The following MYOF variants were observed in gnomAD, a reference collection of about 807,000 sequenced individuals.
The protein encoded by MYOF is fer-1-like 3, myoferlin.
A neutral mutation model predicts 284.2 loss-of-function variants in MYOF; 244 were observed. The ratio of observed to expected loss-of-function variants is 0.86; its 90% CI spans 0.77 to 0.95. The LOEUF (loss-of-function observed/expected upper bound fraction) is 0.95. Ranked by LOEUF, MYOF falls within the 40% of genes least tolerant of loss-of-function variation. The probability of loss-of-function intolerance (pLI) is 0.00; values close to 1 mark genes in which losing one functional copy is unlikely to be tolerated. For missense variants in MYOF, 2,496 were observed against 2,560.6 expected, an observed-to-expected ratio of 0.97 and a Z score of 0.54; for synonymous variants, 904 against 919.7, an observed-to-expected ratio of 0.98 and a Z score of 0.31.
At chr10:93,331,388 G>A (rs767919205) in intron 43 of MYOF, among the ~76,000 whole-genome samples, 9 of 152,160 alleles carry the variant, frequency 5.9e-5, no homozygotes, top group Non-Finnish European at 1.2e-4. Context: ...GCGATTGGCC[G>A]AGCAGAGCCT....
chr10:93,464,830 C>A (rs137969930), intron 1 of MYOF, among the ~76,000 whole-genome samples: 1 of 152,126 alleles, frequency 6.6e-6, no homozygotes, highest in African/African-American at 2.4e-5. Flanking sequence ...CAAAATAGAA[C>A]AACAAGATCT....
intron 38 of MYOF, among the ~76,000 whole-genome samples, chr10:93,342,725 A>C (rs1843980403): frequency 6.6e-6 from 1 of 152,238 alleles, no homozygotes; most frequent in Non-Finnish European, 1.5e-5. Context: ...TTGACTGACG[A>C]TGAGAGATGG....
At chr10:93,441,957 C>G (rs1161684101) in intron 3 of MYOF, among the ~76,000 whole-genome samples, 2 of 148,600 alleles carry the variant, frequency 1.3e-5, no homozygotes, top group Non-Finnish European at 3.0e-5. Context: ...CCCCGAACAA[C>G]CTCTCACTTT....
At chr10:93,367,009 C>T (rs527691247) in intron 25 of MYOF, among the ~76,000 whole-genome samples, 7 of 152,294 alleles carry the variant, frequency 4.6e-5, no homozygotes, top group Admixed American at 3.9e-4. Flanking sequence ...ACTTGGGGCA[C>T]ATTTCCCTGT....
At chr10:93,414,407 C>T (rs762859883) in intron 5 of MYOF, among the ~76,000 whole-genome samples, 2 of 152,016 alleles carry the variant, frequency 1.3e-5, no homozygotes, top group Admixed American at 6.5e-5. Context: ...GGTGTGGTGG[C>T]GTGCACCTGT....
chr10:93,413,116 G>T (rs561337683), intron 5 of MYOF, among the ~76,000 whole-genome samples: 4 of 152,280 alleles, frequency 2.6e-5, no homozygotes, highest in African/African-American at 9.6e-5. Flanking sequence ...ATGGCAGTAA[G>T]CAGGAGAAAA....
intron 53 of MYOF, among the ~76,000 whole-genome samples, chr10:93,307,286 G>A (rs2761294): frequency 0.28 from 42,442 of 151,706 alleles, 6,997 homozygotes; most frequent in Non-Finnish European, 0.39. Flanking sequence ...GGGAACCACT[G>A]GTTTATTTTT....
At chr10:93,328,650 T>A in intron 45 of MYOF, 113 bp downstream of exon 45, 1 of 1,117,842 alleles carries the variant, frequency 8.9e-7, no homozygotes, top group Non-Finnish European at 1.3e-6. Flanking sequence ...ACGTGCACAG[T>A]CTCATGTGGT....
intron 38 of MYOF, chr10:93,341,766 CT>C: frequency 2.5e-6 from 1 of 399,468 alleles, no homozygotes; most frequent in Admixed American, 4.3e-5. Flanking sequence ...GAAGATTCTT[CT>C]TTTAGGCTTA....
intron 37 of MYOF, 78 bp downstream of exon 37, chr10:93,347,539 A>C: frequency 2.4e-6 from 3 of 1,224,742 alleles, no homozygotes; most frequent in East Asian, 3.5e-5. Context: ...GGCCTGGGCG[A>C]CAGAGCGAGA....
At chr10:93,452,959 TA>T (rs1413340526) in intron 2 of MYOF, among the ~76,000 whole-genome samples, 10 of 148,302 alleles carry the variant, frequency 6.7e-5, no homozygotes, top group Admixed American at 6.7e-5. Flanking sequence ...ATGACAAAAG[TA>T]AAAAAAAAAG....
At chr10:93,381,076 ACT>A (rs1846087935) in intron 20 of MYOF, 141 bp downstream of exon 20, 1 of 932,448 alleles carries the variant, frequency 1.1e-6, no homozygotes, top group Non-Finnish European at 1.6e-6. Context: ...CCCCAACCAC[ACT>A]CTCTTCCTCA....
chr10:93,453,514 G>T (rs2056653270), intron 2 of MYOF, among the ~76,000 whole-genome samples: 1 of 152,038 alleles, frequency 6.6e-6, no homozygotes, highest in African/African-American at 2.4e-5. Flanking sequence ...GGCCAGGCTG[G>T]TCTCAAACTC....
rs910738694 is a variant in MYOF, at chr10:93,313,192, A to T, written c.5717T>A (p.Leu1906Ter). 6 of 1,613,402 alleles carry T rather than the reference A, an allele frequency of 3.7e-6. No homozygotes were observed. Among genetic ancestry groups the T allele is most frequent in the Non-Finnish European group, 5.1e-6 (6 of 1,179,748 alleles). Residue 1906 changes from leucine to a stop codon, truncating the protein, a stop_gained, in exon 51 of 54, where the codon TTG becomes TAG. Coordinates refer to ENST00000359263, the MANE Select transcript of MYOF (RefSeq NM_013451.4). LOFTEE classifies it high-confidence loss of function. ...TTTTGCAGGAATGATCGTGTGACGC[A>T]AGTCAAGTTCTAGGAAACCTAGCCA... The part of the protein sequence containing the change: ...DDYLGFLELD[L>*]RHTIIPAKSP...
At chr10:93,439,913 T>C (rs552847957) in intron 3 of MYOF, among the ~76,000 whole-genome samples, 24 of 152,242 alleles carry the variant, frequency 1.6e-4, no homozygotes, top group Non-Finnish European at 2.8e-4. Context: ...GTAATCACTA[T>C]GTAAAGTTCT....
At chr10:93,317,057 T>C (rs1417355179) in intron 49 of MYOF, among the ~76,000 whole-genome samples, 2 of 150,746 alleles carry the variant, frequency 1.3e-5, no homozygotes, top group Non-Finnish European at 2.9e-5. Flanking sequence ...TCCCTATCAG[T>C]GTGACTTCCC....
chr10:93,321,412 C>CT (rs35765868), intron 48 of MYOF, among the ~76,000 whole-genome samples: 13,664 of 121,062 alleles, frequency 0.11, 1,015 homozygotes, highest in Non-Finnish European at 0.14. Context: ...GACTATTAAC[C>CT]TTTTTTTTTT....
Position 93,381,338 on chromosome 10 carries a change from A to C in MYOF, c.1757T>G (p.Leu586Trp). The change falls in exon 20 of 54, where the codon TTG becomes TGG. Residue 586 changes from leucine to tryptophan, a missense_variant. Leu to Trp is a moderately conservative substitution (Grantham distance 61, BLOSUM62 -2). Coordinates refer to ENST00000359263, the MANE Select transcript of MYOF (RefSeq NM_013451.4). ...LSAVFHSATM[L>W]QDVGEAIQFE... The stretch of plus-strand genomic sequence containing the variant: ...CTGAATGGCCTCACCAACATCTTGC[A>C]ACATGGTGGCTGAATGAAACACGGC... 6.2e-7 allele frequency: 1 copy of C among 1,614,204 alleles called. No homozygotes were observed. The highest frequency in any genetic ancestry group is 8.5e-7 in the Non-Finnish European group (1 of 1,180,048).
At chr10:93,477,338 C>G (rs1056631034) in intron 1 of MYOF, among the ~76,000 whole-genome samples, 1 of 148,936 alleles carries the variant, frequency 6.7e-6, no homozygotes, top group Admixed American at 6.7e-5. Flanking sequence ...CTAAAAAACA[C>G]AAAATTAGCC....
Sources: allele counts gnomAD v4.1 joint callset (sites outside exome capture counted in the v4.1 genomes callset), GRCh38; gene constraint gnomAD v4.1.1; transcripts MANE v1.5; gene names NCBI Gene and HGNC (gene_info 2026-07-23, HGNC 2026-07-21).